Variants in DGKB observed in about 807,000 individuals in gnomAD.
DGKB encodes the protein 90 kDa diacylglycerol kinase.
A neutral mutation model predicts 114.3 loss-of-function variants in DGKB; 67 were observed. The observed-to-expected ratio is 0.59, with a 90% confidence interval of 0.48 to 0.72. The LOEUF (loss-of-function observed/expected upper bound fraction) is 0.72. Ranked by LOEUF, DGKB falls within the 30% of genes least tolerant of loss-of-function variation. The pLI is 0.00. For missense variants in DGKB, 907 were observed against 975.2 expected (o/e 0.93, Z 0.93); for synonymous variants, 398 against 323.1 (o/e 1.23, Z -2.49).
At chr7:14,857,087 T>G (rs901734931) in intron 1 of DGKB, among the ~76,000 whole-genome samples, 1 of 152,166 alleles carries the variant, frequency 6.6e-6, no homozygotes, top group Non-Finnish European at 1.5e-5. Context: ...CCTAGTCAGT[T>G]GACTTTAAGT....
In DGKB at chr7:14,176,830, T is replaced by C; in HGVS notation, c.2304+9A>G. 6.2e-7 allele frequency: 1 copy of C among 1,613,830 alleles called. No homozygotes were observed. The highest frequency in any genetic ancestry group is 8.5e-7 in the Non-Finnish European group (1 of 1,179,782). ...GATTGACATAGCATATCAACTACTC[T>C]GTACTCACTGTGCATGGGGTCTGCA... On this transcript the variant is annotated intron_variant, in intron 25 of 25. Coordinates refer to ENST00000402815, the MANE Select transcript of DGKB (RefSeq NM_001350709.2).
intron 13 of DGKB, among the ~76,000 whole-genome samples, chr7:14,658,643 C>T (rs28668017): frequency 0.46 from 69,686 of 151,510 alleles, 17,282 homozygotes; most frequent in Non-Finnish European, 0.56. Flanking sequence ...GATCATTACA[C>T]ATTTTATGCA....
At chr7:14,282,710 A>C (rs1800174172) in intron 23 of DGKB, among the ~76,000 whole-genome samples, 1 of 151,794 alleles carries the variant, frequency 6.6e-6, no homozygotes, top group Non-Finnish European at 1.5e-5. Context: ...GGTTCAATAT[A>C]CGCAAATCAA....
intron 20 of DGKB, among the ~76,000 whole-genome samples, chr7:14,505,454 G>GA (rs34743730): frequency 0.082 from 10,796 of 131,854 alleles, 801 homozygotes; most frequent in East Asian, 0.45. Flanking sequence ...ACTCCGTCTC[G>GA]AAAAAAAAAA....
At chr7:14,609,218 T>C (rs1209859383) in intron 16 of DGKB, among the ~76,000 whole-genome samples, 1 of 151,718 alleles carries the variant, frequency 6.6e-6, no homozygotes, top group Non-Finnish European at 1.5e-5. Flanking sequence ...TGGAACAGAG[T>C]AGAAAACTCA....
intron 13 of DGKB, among the ~76,000 whole-genome samples, chr7:14,639,828 T>C (rs1811411681): frequency 6.6e-6 from 1 of 152,204 alleles, no homozygotes; most frequent in Non-Finnish European, 1.5e-5. Context: ...CTTGGCTTAA[T>C]GCTCTACTCC....
intron 13 of DGKB, among the ~76,000 whole-genome samples, chr7:14,664,644 C>T (rs915396984): frequency 1.3e-5 from 2 of 151,956 alleles, no homozygotes; most frequent in Admixed American, 6.6e-5. Context: ...TTACATTTTC[C>T]TTCAAAATAC....
intron 21 of DGKB, among the ~76,000 whole-genome samples, chr7:14,409,239 C>T (rs1416782186): frequency 6.6e-6 from 1 of 152,108 alleles, no homozygotes; most frequent in Non-Finnish European, 1.5e-5. Flanking sequence ...GGAGCAGTTC[C>T]TTTCTCTAGT....
intron 20 of DGKB, among the ~76,000 whole-genome samples, chr7:14,530,631 G>C (rs1274266394): frequency 6.6e-6 from 1 of 151,364 alleles, no homozygotes; most frequent in East Asian, 1.9e-4. Context: ...ATGAGATAAA[G>C]CTACCCATTA....
intron 1 of DGKB, among the ~76,000 whole-genome samples, chr7:14,949,340 G>A (rs1198872016): frequency 1.3e-5 from 2 of 151,842 alleles, no homozygotes; most frequent in Non-Finnish European, 2.9e-5. Flanking sequence ...AAATTGGTAC[G>A]AGTATTTTGG....
intron 1 of DGKB, among the ~76,000 whole-genome samples, chr7:14,901,411 C>T (rs896829350): frequency 6.6e-6 from 1 of 152,034 alleles, no homozygotes; most frequent in African/African-American, 2.4e-5. Flanking sequence ...AATTTTGAAG[C>T]TTCTTCTCCT....
chr7:14,703,831 T>C (rs1035654787), intron 6 of DGKB, among the ~76,000 whole-genome samples: 9 of 152,308 alleles, frequency 5.9e-5, no homozygotes, highest in Non-Finnish European at 1.3e-4. Flanking sequence ...TAACATGCTT[T>C]ATTAAAAACA....
At chr7:14,664,347 C>T (rs1817663760) in intron 13 of DGKB, among the ~76,000 whole-genome samples, 1 of 152,000 alleles carries the variant, frequency 6.6e-6, no homozygotes, top group Non-Finnish European at 1.5e-5. Flanking sequence ...ATTGCAGTCT[C>T]CTAGTGATAC....
At chr7:14,634,514 ACAC>A (rs1320837153) in intron 13 of DGKB, among the ~76,000 whole-genome samples, 1 of 149,300 alleles carries the variant, frequency 6.7e-6, no homozygotes, top group East Asian at 2.0e-4. Context: ...ACACACACAC[ACAC>A]TTGTTTTGCC....
chr7:14,860,150 G>A (rs1011216225), intron 1 of DGKB, among the ~76,000 whole-genome samples: 3 of 151,952 alleles, frequency 2.0e-5, no homozygotes, highest in African/African-American at 7.2e-5. Context: ...TATTTTCCTT[G>A]TTCAATACTG....
intron 12 of DGKB, among the ~76,000 whole-genome samples, chr7:14,678,953 G>T (rs1454185220): frequency 6.6e-6 from 1 of 152,012 alleles, no homozygotes; most frequent in Non-Finnish European, 1.5e-5. Context: ...TTTTTTTCCA[G>T]TGACTGGAAG....
In DGKB at chr7:14,909,347, G is replaced by A. The variant is rs552442333; in HGVS notation, c.-188+65349C>T. Reference sequence around the variant, plus strand: ...AAGATGCTGAAAGAGGGGTTGTTTTGTGCAATGTTGCCTTGTACTAATCAT... The same window carrying A: ...AAGATGCTGAAAGAGGGGTTGTTTTATGCAATGTTGCCTTGTACTAATCAT... On this transcript the variant is annotated intron_variant, in intron 1 of 4. Coordinates refer to the DGKB transcript ENST00000437998. Among the ~76,000 whole-genome samples the A allele has an allele frequency of 2.6e-5, 4 of 152,178 alleles. No homozygotes were observed. The South Asian group carries it at 8.3e-4, about 31-fold the overall frequency.
chr7:14,873,605 C>T (rs1433753741), intron 1 of DGKB, among the ~76,000 whole-genome samples: 1 of 151,780 alleles, frequency 6.6e-6, no homozygotes, highest in African/African-American at 2.4e-5. Flanking sequence ...TATTACCAAC[C>T]TAATCTCCAT....
intron 20 of DGKB, among the ~76,000 whole-genome samples, chr7:14,486,848 C>T (rs899617149): frequency 2.0e-5 from 3 of 152,010 alleles, no homozygotes; most frequent in Non-Finnish European, 2.9e-5. Flanking sequence ...AGGTGACCAC[C>T]GGAGTATCAG....
Sources: allele counts gnomAD v4.1 joint callset (sites outside exome capture counted in the v4.1 genomes callset), GRCh38; gene constraint gnomAD v4.1.1; transcripts MANE v1.5; gene names NCBI Gene and HGNC (gene_info 2026-07-23, HGNC 2026-07-21).